The following ATG7 variants were observed in gnomAD, a reference collection of about 807,000 sequenced individuals.
ATG7 encodes ubiquitin-like modifier-activating enzyme ATG7.
ATG7 carries 70 observed loss-of-function variants against 82.4 expected under a neutral mutation model. That is an observed-to-expected ratio of 0.85 (90% CI 0.70 to 1.04). The LOEUF is 1.04. ATG7 is among the 50% of genes least tolerant of loss of function. The pLI is 0.00. For missense variants in ATG7, 792 were observed against 864.3 expected, an observed-to-expected ratio of 0.92 and a Z score of 1.05; for synonymous variants, 287 against 313.0, an observed-to-expected ratio of 0.92 and a Z score of 0.88.
intron 3 of ATG7, among the ~76,000 whole-genome samples, chr3:11,286,792 C>T (rs954882224): frequency 1.3e-5 from 2 of 151,594 alleles, no homozygotes; most frequent in Admixed American, 6.6e-5. Context: ...TTGGTAGAGA[C>T]GGAATGTTGC....
At chr3:11,558,571 G>C, downstream of ATG7, 2 of 1,602,510 alleles carry the variant, frequency 1.2e-6, no homozygotes, top group Middle Eastern at 1.7e-4. Context: ...AGACCACAGA[G>C]GGGGAGTGAC....
intron 18 of ATG7, among the ~76,000 whole-genome samples, chr3:11,374,423 A>C (rs1016042526): frequency 6.6e-6 from 1 of 152,242 alleles, no homozygotes; most frequent in African/African-American, 2.4e-5. Context: ...CCATGTTAAA[A>C]AATTAACTCA....
chr3:11,511,311 T>A (rs1262564687), intron 20 of ATG7, among the ~76,000 whole-genome samples: 7 of 152,158 alleles, frequency 4.6e-5, no homozygotes, highest in Admixed American at 2.0e-4. Flanking sequence ...ATCCCTGAGC[T>A]AGATACAAAG....
intron 20 of ATG7, among the ~76,000 whole-genome samples, chr3:11,428,210 C>T (rs1031574414): frequency 1.3e-5 from 2 of 152,200 alleles, no homozygotes; most frequent in Non-Finnish European, 2.9e-5. Context: ...ATAAATTCCT[C>T]CATAGGTTGC....
At chr3:11,408,543 C>T (rs558189357) in intron 19 of ATG7, among the ~76,000 whole-genome samples, 76 of 152,226 alleles carry the variant, frequency 5.0e-4, no homozygotes, top group African/African-American at 1.6e-3. Context: ...AAGACATACC[C>T]GAGACTGGGC....
intron 18 of ATG7, among the ~76,000 whole-genome samples, chr3:11,378,027 A>T (rs1473123532): frequency 1.8e-4 from 17 of 92,738 alleles, no homozygotes; most frequent in Middle Eastern, 5.6e-3. Flanking sequence ...CCAGTTACCA[A>T]TTTTTTTTTT....
At chr3:11,358,715 G>T in intron 15 of ATG7, 103 bp downstream of exon 15, 1 of 1,287,222 alleles carries the variant, frequency 7.8e-7, no homozygotes, top group South Asian at 1.5e-5. Flanking sequence ...TGTGGTTTGT[G>T]TGACCTGGTA....
chr3:11,546,522 G>C (rs962503449), intron 20 of ATG7, among the ~76,000 whole-genome samples: 9 of 152,174 alleles, frequency 5.9e-5, no homozygotes, highest in Non-Finnish European at 8.8e-5. Context: ...CGGACACACA[G>C]AAATATAATT....
intron 20 of ATG7, among the ~76,000 whole-genome samples, chr3:11,543,374 C>A (rs2071000498): frequency 6.6e-6 from 1 of 152,194 alleles, no homozygotes; most frequent in African/African-American, 2.4e-5. Context: ...CTAGAAGTAG[C>A]CCCCACAGTT....
chr3:11,447,470 GAA>G (rs764275667), intron 20 of ATG7, among the ~76,000 whole-genome samples: 9 of 135,450 alleles, frequency 6.6e-5, no homozygotes, highest in Middle Eastern at 3.9e-3. Flanking sequence ...CCGTCTCAGG[GAA>G]AAAAAAAAAA....
intron 20 of ATG7, among the ~76,000 whole-genome samples, chr3:11,515,633 A>G (rs1161682661): frequency 6.6e-6 from 1 of 152,212 alleles, no homozygotes; most frequent in African/African-American, 2.4e-5. Context: ...AAATGGTGAC[A>G]TGGGGCAGTG....
At chr3:11,340,048 G>T (rs1023292402) in intron 11 of ATG7, among the ~76,000 whole-genome samples, 1 of 152,204 alleles carries the variant, frequency 6.6e-6, no homozygotes, top group African/African-American at 2.4e-5. Flanking sequence ...CCATAGCAGG[G>T]ATTAAAAGAG....
chr3:11,494,806 G>T (rs2090681814), intron 20 of ATG7, among the ~76,000 whole-genome samples: 1 of 152,162 alleles, frequency 6.6e-6, no homozygotes, highest in African/African-American at 2.4e-5. Flanking sequence ...AGGCATGGTG[G>T]CTCACACCAG....
intron 18 of ATG7, among the ~76,000 whole-genome samples, chr3:11,374,892 CAAAAAAAAAAAA>C (rs55855960): frequency 6.8e-5 from 5 of 73,524 alleles, no homozygotes; most frequent in East Asian, 3.6e-4. Context: ...CAACAGAGCT[CAAAAAAAAAAAA>C]AAAAAAAAAA....
chr3:11,308,760 C>A lies in ATG7; in HGVS notation c.334-224C>A, dbSNP rs1948169273. The A allele has an allele frequency of 1.4e-5, 8 of 578,426 alleles. No individual in the cohort carries two copies. The South Asian group carries it at 1.7e-4, about 12-fold the overall frequency. The allele number at this position is 578,426 out of a possible 1,614,324, so 35.8% of individuals were successfully genotyped here. A position where few individuals can be genotyped will look rare whatever the true frequency, so the allele number is the denominator to read the frequency against. On this transcript the variant is annotated intron_variant, in intron 6 of 20. Transcript: ENST00000693202. ...TGCTGAGATCTGCTGAGAGGAGGCG[C>A]CTGGGTTCCCTCACTTGGCTTAGAT... is the stretch of plus-strand genomic sequence containing the variant.
At chr3:11,336,786 G>C (rs1254600618) in intron 11 of ATG7, among the ~76,000 whole-genome samples, 1 of 151,988 alleles carries the variant, frequency 6.6e-6, no homozygotes, top group Non-Finnish European at 1.5e-5. Flanking sequence ...CATCCCCCCA[G>C]CTTAGCTTCC....
At chr3:11,453,207 G>C (rs2085367440) in intron 20 of ATG7, among the ~76,000 whole-genome samples, 1 of 152,236 alleles carries the variant, frequency 6.6e-6, no homozygotes, top group South Asian at 2.1e-4. Context: ...AACAGACGGG[G>C]GGCGTGGGCC....
At chr3:11,454,594 C>T (rs1187841294) in intron 20 of ATG7, among the ~76,000 whole-genome samples, 1 of 152,166 alleles carries the variant, frequency 6.6e-6, no homozygotes, top group Non-Finnish European at 1.5e-5. Context: ...CTGAAGGTAC[C>T]ATTATCCCGG....
intron 19 of ATG7, among the ~76,000 whole-genome samples, chr3:11,426,362 A>G (rs181606939): frequency 6.6e-5 from 10 of 152,220 alleles, no homozygotes; most frequent in African/African-American, 1.7e-4. Context: ...TTATTTTTCC[A>G]TTTTAAAATT....
Sources: gnomAD v4.1 joint callset for allele counts (sites outside exome capture counted in the v4.1 genomes callset) on GRCh38, gnomAD v4.1.1 for gene constraint, MANE v1.5 for transcripts, NCBI Gene and HGNC (gene_info 2026-07-23, HGNC 2026-07-21) for gene names.